Variants in FGF13 observed in about 807,000 individuals in gnomAD.
FGF13 encodes the protein fibroblast growth factor 13, also known as fibroblast growth factor homologous factor 2.
A neutral mutation model predicts 19.5 loss-of-function variants in FGF13; 2 were observed. The observed-to-expected ratio is 0.10, with a 90% CI of 0.04 to 0.32. The LOEUF (loss-of-function observed/expected upper bound fraction) is 0.32, where lower values mean the gene tolerates loss of function less well. Ranked by LOEUF, FGF13 falls within the 10% of genes least tolerant of loss-of-function variation. The pLI is 1.00. For synonymous variants in FGF13, 72 were observed against 76.9 expected (o/e 0.94, Z 0.33); for missense variants, 113 against 192.7 (o/e 0.59, Z 2.45).
intron 1 of FGF13, among the ~76,000 whole-genome samples, chrX:139,108,235 T>C (rs2083573655): frequency 8.9e-6 from 1 of 111,968 alleles, no homozygotes; most frequent in Non-Finnish European, 1.9e-5. Flanking sequence ...AGAAAATATA[T>C]TCCAAAGGTC....
chrX:138,845,995 A>G (rs1023876637), intron 3 of FGF13, among the ~76,000 whole-genome samples: 7 of 111,067 alleles, frequency 6.3e-5, no homozygotes, highest in Non-Finnish European at 9.4e-5. Flanking sequence ...TGCTAGACAA[A>G]TGTCCTCGCT....
chrX:138,772,656 G>C (rs2090556549), intron 3 of FGF13, among the ~76,000 whole-genome samples: 1 of 111,130 alleles, frequency 9.0e-6, no homozygotes, highest in Non-Finnish European at 1.9e-5. Context: ...CCATTCAAAG[G>C]CACGTTCTGC....
intron 1 of FGF13, among the ~76,000 whole-genome samples, chrX:139,002,269 CAT>C (rs2092076635): frequency 1.8e-5 from 2 of 111,089 alleles, no homozygotes; most frequent in Admixed American, 9.6e-5. Context: ...AGCAAACTCA[CAT>C]GTCACATGTA....
chrX:138,863,913 G>T (rs2124151933), intron 2 of FGF13, among the ~76,000 whole-genome samples: 1 of 111,996 alleles, frequency 8.9e-6, no homozygotes, highest in Admixed American at 9.5e-5. Context: ...TTTAGACTAG[G>T]TCAGGGTTTC....
chrX:138,978,266 G>GTTTTTTTTTTGTTTGTTTTT (rs2091948033), intron 1 of FGF13, among the ~76,000 whole-genome samples: 1 of 82,917 alleles, frequency 1.2e-5, no homozygotes, highest in African/African-American at 4.9e-5. Context: ...AGCTGCCCTG[G>GTTTTTTTTTTGTTTGTTTTT]TTTTTTTTTT....
intron 1 of FGF13, among the ~76,000 whole-genome samples, chrX:139,135,886 C>G (rs1438482282): frequency 9.0e-6 from 1 of 111,470 alleles, no homozygotes; most frequent in Non-Finnish European, 1.9e-5. Context: ...CTATCACGTC[C>G]TTCATCATGT....
intron 1 of FGF13, among the ~76,000 whole-genome samples, chrX:139,065,474 C>A (rs1273297498): frequency 1.5e-5 from 1 of 67,611 alleles, no homozygotes; most frequent in Non-Finnish European, 2.6e-5. Context: ...ACCAAGCAAA[C>A]GGAAAGCAAA....
At chrX:139,091,925 C>T (rs1475666648) in intron 1 of FGF13, among the ~76,000 whole-genome samples, 2 of 109,972 alleles carry the variant, frequency 1.8e-5, no homozygotes, top group Admixed American at 1.9e-4. Context: ...AGTCTGAGTA[C>T]AGGACGAAGC....
intron 1 of FGF13, among the ~76,000 whole-genome samples, chrX:138,738,539 C>G (rs2090296742): frequency 8.9e-6 from 1 of 111,748 alleles, no homozygotes. Context: ...ACTGGTCGCT[C>G]CGGCAACCTT....
intron 1 of FGF13, among the ~76,000 whole-genome samples, chrX:138,910,463 C>G (rs963298448): frequency 2.7e-5 from 3 of 111,622 alleles, no homozygotes; most frequent in Admixed American, 1.9e-4. Flanking sequence ...AGGAAGATGG[C>G]AGCATCAACT....
At chrX:139,047,957 C>A (rs182150814) in intron 1 of FGF13, among the ~76,000 whole-genome samples, 1 of 111,116 alleles carries the variant, frequency 9.0e-6, no homozygotes, top group Non-Finnish European at 1.9e-5. Context: ...AACATCAAGA[C>A]TTTCTTCTAT....
At chrX:138,825,575 C>T (rs1454186004) in intron 3 of FGF13, among the ~76,000 whole-genome samples, 1 of 111,289 alleles carries the variant, frequency 9.0e-6, no homozygotes, top group Non-Finnish European at 1.9e-5. Flanking sequence ...AAGAACTTGA[C>T]CTCTGGACTC....
intron 1 of FGF13, among the ~76,000 whole-genome samples, chrX:139,061,633 G>GTCTC (rs1009113688): frequency 9.0e-5 from 10 of 111,335 alleles, no homozygotes; most frequent in African/African-American, 2.9e-4. Flanking sequence ...AAATTACTGA[G>GTCTC]TCTCAGGTAT....
chrX:138,852,682 A>C (rs1407314619), downstream of FGF13, among the ~76,000 whole-genome samples: 2 of 112,219 alleles, frequency 1.8e-5, no homozygotes, highest in Non-Finnish European at 1.9e-5. Context: ...AAGCAATTGC[A>C]ACAAAAGCAA....
At chrX:138,842,141 G>T (rs1159529620) in intron 3 of FGF13, among the ~76,000 whole-genome samples, 2 of 112,110 alleles carry the variant, frequency 1.8e-5, no homozygotes, top group Admixed American at 9.5e-5. Flanking sequence ...GCAATGAAAA[G>T]ATTTTTCTGA....
chrX:138,765,265 C>G (rs1266340756), intron 3 of FGF13, among the ~76,000 whole-genome samples: 3 of 112,014 alleles, frequency 2.7e-5, no homozygotes, highest in Admixed American at 9.5e-5. Context: ...ATTACATGTA[C>G]TGTCTCTCCC....
chrX:139,053,560 C>G (rs1199312176), intron 1 of FGF13, among the ~76,000 whole-genome samples: 2 of 110,387 alleles, frequency 1.8e-5, no homozygotes, highest in Non-Finnish European at 3.8e-5. Flanking sequence ...CTTTTAAGAA[C>G]TGTCTATTCA....
chrX:138,819,508 C>T (rs1215523615), intron 3 of FGF13, among the ~76,000 whole-genome samples: 1 of 111,675 alleles, frequency 9.0e-6, no homozygotes, highest in Non-Finnish European at 1.9e-5. Flanking sequence ...AGATCCTTCT[C>T]TGAGATTTGT....
chrX:139,035,239 G>A lies in FGF13; in HGVS notation c.-113+168177C>T, dbSNP rs747207080. Among the ~76,000 whole-genome samples, 12 of 111,221 alleles carry A rather than the reference G, an allele frequency of 1.1e-4. No homozygotes were observed. In the East Asian group the frequency reaches 3.4e-3, roughly 32 times the overall value. Reference sequence around the variant, plus strand: ...GAACCACACTCAGAAAGGCACATCCGGTACTGTATAACTGTTCAAAAATGC... The same window carrying A: ...GAACCACACTCAGAAAGGCACATCCAGTACTGTATAACTGTTCAAAAATGC... On this transcript the variant is annotated intron_variant, in intron 1 of 2. Transcript: ENST00000421460.
Sources: allele counts gnomAD v4.1 joint callset (sites outside exome capture counted in the v4.1 genomes callset), GRCh38; gene constraint gnomAD v4.1.1; transcripts MANE v1.5; gene names NCBI Gene and HGNC (gene_info 2026-07-23, HGNC 2026-07-21).